CASR: variants seen among roughly 807,000 people sequenced by gnomAD.
CASR encodes extracellular calcium-sensing receptor.
In CASR, 23 loss-of-function variants were observed where a neutral mutation model predicts 69.1. That is an observed-to-expected ratio of 0.33 (90% confidence interval 0.24 to 0.47). The LOEUF is 0.47. Ranked by LOEUF, CASR falls within the 20% of genes least tolerant of loss-of-function variation. The pLI, the probability that CASR is intolerant of heterozygous loss-of-function variation, is 1.00. For synonymous variants in CASR, 541 were observed against 544.7 expected, an observed-to-expected ratio of 0.99 and a Z score of 0.10; for missense variants, 924 against 1,356.1, an observed-to-expected ratio of 0.68 and a Z score of 5.00.
intron 1 of CASR, among the ~76,000 whole-genome samples, chr3:122,252,459 G>GAAAGAAAGAAAGAAAAAAAAAAAAGAA (rs1559954451): frequency 1.6e-5 from 1 of 62,350 alleles, no homozygotes; most frequent in East Asian, 3.5e-4. Flanking sequence ...AAAAAGAAAA[G>GAAAGAAAGAAAGAAAAAAAAAAAAGAA]AAAGAAAAGA....
At chr3:122,282,945 TCCAAAA>T (rs2074910657) in intron 6 of CASR, among the ~76,000 whole-genome samples, 2 of 152,168 alleles carry the variant, frequency 1.3e-5, no homozygotes, top group South Asian at 4.2e-4. Flanking sequence ...GATCTCTAAC[TCCAAAA>T]CCCATGCTCC....
intron 1 of CASR, among the ~76,000 whole-genome samples, chr3:122,187,118 A>G (rs1374035007): frequency 6.6e-6 from 1 of 152,222 alleles, no homozygotes. Context: ...TAAGGTAAAT[A>G]TATATATAAC....
intron 1 of CASR, among the ~76,000 whole-genome samples, chr3:122,230,445 G>A (rs9811123): frequency 0.68 from 103,195 of 152,156 alleles, 35,311 homozygotes; most frequent in Admixed American, 0.79. Context: ...TGAGAGGGAC[G>A]CAGGAGCAGC....
chr3:122,184,060 T>C (rs1048213), intron 1 of CASR, among the ~76,000 whole-genome samples: 29,786 of 152,026 alleles, frequency 0.2, 3,859 homozygotes, highest in Admixed American at 0.39. Context: ...GCTCGCCGTC[T>C]GCTGGGGACC....
In CASR at chr3:122,276,728, C is replaced by T. The variant is rs1052899630; in HGVS notation, c.1608+686C>T. ...CAAAAGAACAATTTATTCTCCTCCT[C>T]CAGGAGACCTGTAACAAAGAGGAGG... On this transcript the variant is annotated intron_variant, in intron 5 of 6. Transcript: ENST00000639785. 1.1e-4 allele frequency among the ~76,000 whole-genome samples: 17 copies of T among 152,222 alleles called. 1 individual carries two copies. The highest frequency in any genetic ancestry group is 1.5e-5 in the Non-Finnish European group (1 of 68,034).
Position 122,262,260 on chromosome 3 carries a change from A to C in CASR, c.1225A>C (p.Ile409Leu). The change falls in exon 4 of 7, where the codon ATA becomes CTA. Residue 409 changes from isoleucine to leucine, a missense_variant. Ile to Leu is a conservative substitution (Grantham distance 5). This residue lies in a region of CASR where 310 missense variants were observed against 395.7 expected (regional missense o/e 0.78). Coordinates refer to ENST00000639785, the MANE Select transcript of CASR (RefSeq NM_000388.4). The part of the protein sequence containing the change: ...ENISSVETPY[I>L]DYTHLRISYN... ...CATCAGCAGTGTCGAGACCCCTTAC[A>C]TAGATTACACGCATTTACGGATATC... is the stretch of plus-strand genomic sequence containing the variant. 2 of 1,614,240 alleles carry C rather than the reference A, an allele frequency of 1.2e-6. No individual in the cohort carries two copies. The highest frequency in any genetic ancestry group is 1.7e-6 in the Non-Finnish European group (2 of 1,180,034).
At chr3:122,231,479 A>C (rs142157096) in intron 1 of CASR, among the ~76,000 whole-genome samples, 2 of 152,358 alleles carry the variant, frequency 1.3e-5, no homozygotes, top group East Asian at 3.9e-4. Flanking sequence ...GTATTGTTTT[A>C]ATATAATCCT....
In CASR at chr3:122,254,121, G is replaced by A; in HGVS notation, c.-69G>A. The A allele has an allele frequency of 1.4e-6, 2 of 1,471,982 alleles. No homozygotes were observed. The highest frequency in any genetic ancestry group is 2.3e-5 in the South Asian group (2 of 88,090). The allele number at this position is 1,471,982 out of a possible 1,614,324, so 91.2% of individuals were successfully genotyped here. A position where few individuals can be genotyped will look rare whatever the true frequency, so the allele number is the denominator to read the frequency against. On this transcript the variant is annotated 5_prime_UTR_variant, in exon 2 of 7. Transcript: ENST00000639785. The stretch of plus-strand genomic sequence containing the variant: ...CACTGCAGGGAGTGAACTGCTCCAA[G>A]GGAGAAACTTCTGGGAGCCTCCAAA...
chr3:122,254,963 C>G (rs1426021967), intron 2 of CASR, among the ~76,000 whole-genome samples: 1 of 149,304 alleles, frequency 6.7e-6, no homozygotes, highest in Non-Finnish European at 1.5e-5. Context: ...ACCCTCCCCA[C>G]CCCCCATCCA....
rs142961394 is a variant in CASR, at chr3:122,211,433, C to T, written c.-243+27621C>T. Among the ~76,000 whole-genome samples the T allele has an allele frequency of 1.2e-3, 178 of 152,270 alleles. 1 individual carries two copies. The highest frequency in any genetic ancestry group is 4.0e-3 in the African/African-American group (166 of 41,548). ...TTAAAAAGTAGGCAAAGGGGCCAGG[C>T]ACAGGGGCTCACACATGTAATCCCA... On this transcript the variant is annotated intron_variant, in intron 1 of 6. Coordinates refer to ENST00000639785, the MANE Select transcript of CASR (RefSeq NM_000388.4).
chr3:122,275,998 T>A lies in CASR; in HGVS notation c.1564T>A (p.Phe522Ile), dbSNP rs746054548. The A allele has an allele frequency of 6.2e-7, 1 of 1,613,918 alleles. No homozygotes were observed. The highest frequency in any genetic ancestry group is 1.1e-5 in the South Asian group (1 of 91,072). ...CTATGCCAAGAAGGGAGAAAGACTCTTCATCAACGAGGAGAAAATCCTGTG... is the reference window on the plus strand; with the variant it reads ...CTATGCCAAGAAGGGAGAAAGACTCATCATCAACGAGGAGAAAATCCTGTG... ...NVYAKKGERL[F>I]INEEKILWSG... The change falls in exon 5 of 7, where the codon TTC (phenylalanine) becomes ATC (isoleucine). Residue 522 changes from phenylalanine to isoleucine, a missense_variant. Transcript: ENST00000639785.
At chr3:122,190,996 A>G (rs1044826017) in intron 1 of CASR, among the ~76,000 whole-genome samples, 16 of 152,230 alleles carry the variant, frequency 1.1e-4, no homozygotes, top group Admixed American at 2.0e-4. Flanking sequence ...TGCTCTTCTC[A>G]AGATTCAGCT....
chr3:122,185,229 GTGTCTAT>G (rs2107575833), intron 1 of CASR, among the ~76,000 whole-genome samples: 1 of 152,272 alleles, frequency 6.6e-6, no homozygotes, highest in East Asian at 1.9e-4. Context: ...ACTAGCATGT[GTGTCTAT>G]TGCTGTCTCC....
Position 122,254,176 on chromosome 3 carries a change from G to T in CASR, c.-14G>T, listed in dbSNP as rs201439187. The T allele has an allele frequency of 6.2e-7, 1 of 1,612,238 alleles. No individual in the cohort carries two copies. The highest frequency in any genetic ancestry group is 1.3e-5 in the African/African-American group (1 of 74,984). On this transcript the variant is annotated 5_prime_UTR_variant, in exon 2 of 7. Transcript: ENST00000639785. ...TAGCTGTCTCATCCCTTGCCCTGGA[G>T]AGACGGCAGAACCATGGCATTTTAT...
At chr3:122,215,599 A>T (rs2074110315) in intron 1 of CASR, among the ~76,000 whole-genome samples, 1 of 152,248 alleles carries the variant, frequency 6.6e-6, no homozygotes, top group Admixed American at 6.5e-5. Flanking sequence ...TTTGGTGAAC[A>T]TTATTCAGGG....
intron 1 of CASR, among the ~76,000 whole-genome samples, chr3:122,252,535 G>C: frequency 6.7e-6 from 1 of 150,250 alleles, no homozygotes; most frequent in African/African-American, 2.5e-5. Flanking sequence ...GCGGGGAGGG[G>C]AGGGGAGAGG....
In CASR at chr3:122,205,550, GT is replaced by G. The variant is rs2073998483; in HGVS notation, c.-243+21739del. ...GTTCTTTGCTCTGTGGCTATTCAGG[GT>G]CTTTTGTAGTTCCTTGTAAATTTTA... On this transcript the variant is annotated intron_variant, in intron 1 of 6. Transcript: ENST00000639785. 9.9e-5 allele frequency among the ~76,000 whole-genome samples: 15 copies of G among 151,938 alleles called. No individual in the cohort carries two copies. In the South Asian group the frequency reaches 2.9e-3, roughly 29 times the overall value.
At chr3:122,191,788 G>A (rs992351382) in intron 1 of CASR, among the ~76,000 whole-genome samples, 1 of 152,264 alleles carries the variant, frequency 6.6e-6, no homozygotes, top group South Asian at 2.1e-4. Context: ...AGGTTGTAAT[G>A]GTTTTCAAAT....
At chr3:122,271,183 G>A (rs970772961) in intron 4 of CASR, among the ~76,000 whole-genome samples, 2 of 152,108 alleles carry the variant, frequency 1.3e-5, no homozygotes, top group African/African-American at 4.8e-5. Flanking sequence ...GACACCTACA[G>A]GTTTAATATC....
Sources: allele counts gnomAD v4.1 joint callset (sites outside exome capture counted in the v4.1 genomes callset), GRCh38; gene constraint gnomAD v4.1.1; regional missense constraint gnomAD v4.1.1; transcripts MANE v1.5; gene names NCBI Gene and HGNC (gene_info 2026-07-23, HGNC 2026-07-21).